Variants in KNTC1 observed in about 807,000 individuals in gnomAD.
The protein encoded by KNTC1 is kinetochore associated 1.
Under a neutral mutation model 314.4 loss-of-function variants are expected in KNTC1, and 253 were observed. That is an observed-to-expected ratio of 0.80 (90% CI 0.73 to 0.89). KNTC1 has a LOEUF of 0.89. Ranked by LOEUF, KNTC1 falls within the 40% of genes least tolerant of loss-of-function variation. The pLI, the probability that KNTC1 is intolerant of heterozygous loss-of-function variation, is 0.00. For synonymous variants in KNTC1, 901 were observed against 901.4 expected, an observed-to-expected ratio of 1.00 and a Z score of 0.01; for missense variants, 2,475 against 2,572.9, an observed-to-expected ratio of 0.96 and a Z score of 0.82.
intron 18 of KNTC1, among the ~76,000 whole-genome samples, chr12:122,560,429 C>A (rs186030892): frequency 6.6e-6 from 1 of 152,046 alleles, no homozygotes; most frequent in South Asian, 2.1e-4. Context: ...AGTGCAATGG[C>A]GTGATCTTGG....
intron 44 of KNTC1, among the ~76,000 whole-genome samples, chr12:122,599,258 T>C (rs1871494757): frequency 1.3e-5 from 2 of 152,110 alleles, no homozygotes; most frequent in Admixed American, 1.3e-4. Context: ...TACACCTGGC[T>C]TCTGCTCAGT....
At chr12:122,567,681 T>C (rs1048635458) in intron 20 of KNTC1, among the ~76,000 whole-genome samples, 8 of 151,750 alleles carry the variant, frequency 5.3e-5, no homozygotes, top group Non-Finnish European at 1.2e-4. Context: ...CTACTAAAAA[T>C]ACAAAAATTA....
At chr12:122,603,574 C>T (rs767481571) in intron 48 of KNTC1, among the ~76,000 whole-genome samples, 25 of 151,960 alleles carry the variant, frequency 1.6e-4, no homozygotes, top group Non-Finnish European at 2.6e-4. Context: ...CTCACCGCAA[C>T]CTCCACCTCC....
intron 20 of KNTC1, among the ~76,000 whole-genome samples, chr12:122,563,940 A>G (rs1451529172): frequency 6.6e-6 from 1 of 152,218 alleles, no homozygotes; most frequent in Non-Finnish European, 1.5e-5. Flanking sequence ...CTATTTAAAG[A>G]TAAAAATACA....
intron 20 of KNTC1, among the ~76,000 whole-genome samples, chr12:122,567,184 C>T (rs1360307905): frequency 6.6e-6 from 1 of 151,996 alleles, no homozygotes; most frequent in East Asian, 1.9e-4. Context: ...ATCAATTCTG[C>T]CTCAGCCTCC....
chr12:122,604,310 C>G (rs1872336159), intron 48 of KNTC1, among the ~76,000 whole-genome samples: 1 of 151,460 alleles, frequency 6.6e-6, no homozygotes. Context: ...CCATGCCCAG[C>G]TAATTTTTGT....
chr12:122,555,418 A>C (rs538630624), intron 16 of KNTC1, among the ~76,000 whole-genome samples: 1 of 152,102 alleles, frequency 6.6e-6, no homozygotes, highest in Non-Finnish European at 1.5e-5. Flanking sequence ...TGGGCATGGC[A>C]GTGGATGCCT....
intron 16 of KNTC1, among the ~76,000 whole-genome samples, chr12:122,556,901 A>G (rs1963636132): frequency 6.9e-6 from 1 of 145,964 alleles, no homozygotes; most frequent in Admixed American, 6.9e-5. Flanking sequence ...GTTGTTGGAA[A>G]TGACAAATTT....
intron 62 of KNTC1, among the ~76,000 whole-genome samples, chr12:122,622,990 A>G (rs1399597944): frequency 6.6e-6 from 1 of 152,180 alleles, no homozygotes; most frequent in African/African-American, 2.4e-5. Context: ...CAGAATGTCA[A>G]CTGTAGAGCT....
At chr12:122,615,212 G>A in intron 56 of KNTC1, 126 bp downstream of exon 56, 2 of 787,942 alleles carry the variant, frequency 2.5e-6, no homozygotes, top group South Asian at 1.9e-5. Context: ...CTCTCACTGA[G>A]CTCATGCCAA....
rs762124576 is a variant in KNTC1 at position 122,584,391 on chromosome 12, T to A, written c.3377T>A (p.Leu1126Gln). The A allele has an allele frequency of 8.1e-6, 13 of 1,613,492 alleles. No homozygotes were observed. Among genetic ancestry groups the A allele is most frequent in the Non-Finnish European group, 1.1e-5 (13 of 1,179,548 alleles). Reference sequence around the variant, plus strand: ...GTCCCAGTGACAGTGCCTGTGGGACTGAATCTTCCTTCCATGATACATGAT... The same window carrying A: ...GTCCCAGTGACAGTGCCTGTGGGACAGAATCTTCCTTCCATGATACATGAT... ...DNVPVTVPVG[L>Q]NLPSMIHDLA... The change falls in exon 35 of 64, where the codon CTG becomes CAG. Residue 1126 changes from leucine to glutamine, a missense_variant. Coordinates refer to ENST00000333479, the MANE Select transcript of KNTC1 (RefSeq NM_014708.6).
intron 51 of KNTC1, among the ~76,000 whole-genome samples, chr12:122,607,396 A>T (rs990859454): frequency 2.6e-5 from 4 of 152,080 alleles, no homozygotes; most frequent in African/African-American, 9.7e-5. Flanking sequence ...CAGTTCTGTG[A>T]CTTTTTCTTG....
intron 5 of KNTC1, 28 bp from the exon 6 acceptor site, chr12:122,542,019 AAAG>A (rs1458417670): frequency 6.7e-7 from 1 of 1,494,708 alleles, no homozygotes. Flanking sequence ...ATCTCAAAAA[AAAG>A]AAACTGATTC....
rs542034682 is a variant in KNTC1 at position 122,561,931 on chromosome 12, A to G, written c.1499A>G (p.Lys500Arg). 1.4e-5 allele frequency: 22 copies of G among 1,583,538 alleles called. No individual in the cohort carries two copies. Among genetic ancestry groups the G allele is most frequent in the Non-Finnish European group, 1.8e-5 (21 of 1,155,680 alleles). ...LNYAKTRLLK[K>R]EDKTALIYSD... The stretch of plus-strand genomic sequence containing the variant: ...ATTATTCTTACTTAGCTTTTGAAGA[A>G]AGAAGATAAAACTGCTCTCATTTAT... Residue 500 changes from lysine to arginine, a missense_variant, in exon 19 of 64, where the codon AAA becomes AGA. Coordinates refer to ENST00000333479, the MANE Select transcript of KNTC1 (RefSeq NM_014708.6).
chr12:122,549,730 G>T (rs2137766061), intron 12 of KNTC1, 36 bp from the exon 13 acceptor site: 2 of 1,025,186 alleles, frequency 2.0e-6, no homozygotes, highest in South Asian at 2.7e-5. Context: ...TGTTTAAATT[G>T]ATCTGCTAAA....
intron 60 of KNTC1, among the ~76,000 whole-genome samples, chr12:122,621,555 G>A (rs969500987): frequency 6.6e-6 from 1 of 152,194 alleles, no homozygotes; most frequent in Admixed American, 6.5e-5. Context: ...GGCAGGTCTC[G>A]AACTCCTGAC....
At chr12:122,562,738 G>GC in intron 20 of KNTC1, 39 bp downstream of exon 20, 1 of 1,224,510 alleles carries the variant, frequency 8.2e-7, no homozygotes, top group Non-Finnish European at 1.2e-6. Flanking sequence ...GGCCAGGCAT[G>GC]GTGTCTCACG....
intron 51 of KNTC1, among the ~76,000 whole-genome samples, chr12:122,607,283 C>T (rs1872671651): frequency 6.6e-6 from 1 of 152,118 alleles, no homozygotes; most frequent in African/African-American, 2.4e-5. Context: ...GGGCTGGTCT[C>T]GAACTCCTGG....
At chr12:122,563,287 T>G (rs1964103685) in intron 20 of KNTC1, among the ~76,000 whole-genome samples, 1 of 152,050 alleles carries the variant, frequency 6.6e-6, no homozygotes, top group African/African-American at 2.4e-5. Flanking sequence ...ATCTAACTAT[T>G]CTGGATAAAT....
Sources: allele counts gnomAD v4.1 joint callset (sites outside exome capture counted in the v4.1 genomes callset), GRCh38; gene constraint gnomAD v4.1.1; transcripts MANE v1.5; gene names NCBI Gene and HGNC (gene_info 2026-07-23, HGNC 2026-07-21).